The following HPCAL1 variants were observed in gnomAD, a reference collection of about 807,000 sequenced individuals.
The protein encoded by HPCAL1 is hippocalcin like 1, also known as hippocalcin-like protein 1.
HPCAL1 carries 8 observed loss-of-function variants against 17.1 expected under a neutral mutation model. That is an observed-to-expected ratio of 0.47 (90% CI 0.27 to 0.84). The LOEUF is 0.84. HPCAL1 is among the 40% of genes least tolerant of loss of function. The pLI is 0.13. For missense variants in HPCAL1, 165 were observed against 271.1 expected (o/e 0.61, Z 2.75); for synonymous variants, 112 against 111.4 (o/e 1.01, Z -0.03).
chr2:10,424,403 G>A (rs1671270214), intron 4 of HPCAL1: 3 of 439,508 alleles, frequency 6.8e-6, no homozygotes, highest in South Asian at 1.6e-5. Flanking sequence ...GAGGCTGTCC[G>A]CTCCTCGTGG....
At position 10,331,540 on chromosome 2, in the gene HPCAL1, A is replaced by G. The variant is rs11885501; in HGVS notation, c.-111+28363A>G. Among the ~76,000 whole-genome samples, 68,005 of 152,002 alleles carry G rather than the reference A, an allele frequency of 0.45. 15,745 individuals are homozygous for G. The highest frequency in any genetic ancestry group is 0.65 in the East Asian group (3,354 of 5,144). On this transcript the variant is annotated intron_variant, in intron 1 of 4. Transcript: ENST00000307845. The surrounding 1 kb of genome is among the most constrained non-coding windows in gnomAD (Gnocchi z 5.0). ...TCCGGGGCAGGAACACCCTCCCAGG[A>G]GCTTTTCCACGGCCAAGCGCTGGCT...
In HPCAL1 at chr2:10,331,930, A is replaced by G. The variant is rs1230581749; in HGVS notation, c.-111+28753A>G. ...CTCTCCTCATCACCTGTTGTCATTT[A>G]TGAGCCCCGTGTCACCTGTTGTTGC... is the stretch of plus-strand genomic sequence containing the variant. On this transcript the variant is annotated intron_variant, in intron 1 of 4. Transcript: ENST00000307845. This position sits in a 1 kb window ranked among gnomAD's most constrained non-coding sequence, Gnocchi z 5.0. Among the ~76,000 whole-genome samples the G allele has an allele frequency of 1.3e-5, 2 of 150,682 alleles. No individual in the cohort carries two copies. Among genetic ancestry groups the G allele is most frequent in the Non-Finnish European group, 1.5e-5 (1 of 67,762 alleles).
chr2:10,330,052 C>T lies in HPCAL1; in HGVS notation c.-111+26875C>T, dbSNP rs1355164619. ...CACAAATGGTCTTCAACCCTCAAAA[C>T]ACTTCCTGTTATTTAAATCTTGGTC... is the stretch of plus-strand genomic sequence containing the variant. On this transcript the variant is annotated intron_variant, in intron 1 of 4. Coordinates refer to ENST00000307845, the MANE Select transcript of HPCAL1 (RefSeq NM_002149.4). The surrounding 1 kb of genome is among the most constrained non-coding windows in gnomAD (Gnocchi z 4.2). 2 of 152,098 alleles carry T rather than the reference C, an allele frequency of 1.3e-5. 1 individual carries two copies. The highest frequency in any genetic ancestry group is 4.1e-4 in the South Asian group (2 of 4,824). The allele number at this position is 152,098 out of a possible 1,614,324, so 9.4% of individuals were successfully genotyped here.
At chr2:10,397,778 G>T (rs1018305641) in intron 2 of HPCAL1, among the ~76,000 whole-genome samples, 4 of 152,194 alleles carry the variant, frequency 2.6e-5, no homozygotes, top group Non-Finnish European at 4.4e-5. Flanking sequence ...CTCGGGTCTG[G>T]AGAGCCTGCC....
intron 1 of HPCAL1, among the ~76,000 whole-genome samples, chr2:10,317,872 G>A (rs1177670007): frequency 6.6e-6 from 1 of 152,226 alleles, no homozygotes; most frequent in Non-Finnish European, 1.5e-5. Context: ...GGGCTCACCC[G>A]TTCCTGGCTC....
In HPCAL1 at chr2:10,356,654, C is replaced by T. The variant is rs181089937; in HGVS notation, c.-110-40181C>T. Among the ~76,000 whole-genome samples, 17 of 152,280 alleles carry T rather than the reference C, an allele frequency of 1.1e-4. No individual in the cohort carries two copies. In the East Asian group the frequency reaches 3.3e-3, roughly 29 times the overall value. On this transcript the variant is annotated intron_variant, in intron 1 of 4. Coordinates refer to ENST00000307845, the MANE Select transcript of HPCAL1 (RefSeq NM_002149.4). The stretch of plus-strand genomic sequence containing the variant: ...CAGGCCCCGTGCCCCACACACCACA[C>T]CACCTGGCGCTTGGCCAACAGGAAA...
chr2:10,315,913 A>T (rs1022045974), intron 1 of HPCAL1, among the ~76,000 whole-genome samples: 1 of 152,182 alleles, frequency 6.6e-6, no homozygotes, highest in Non-Finnish European at 1.5e-5. Flanking sequence ...AGGCTGACAC[A>T]TGAGAATTTC....
intron 2 of HPCAL1, among the ~76,000 whole-genome samples, chr2:10,418,237 T>A (rs11903181): frequency 0.016 from 2,362 of 151,172 alleles, 66 homozygotes; most frequent in African/African-American, 0.055. Flanking sequence ...GCCAACATAG[T>A]GTGAAACCCT....
At chr2:10,420,711 C>T (rs1671011426) in intron 3 of HPCAL1, among the ~76,000 whole-genome samples, 1 of 152,198 alleles carries the variant, frequency 6.6e-6, no homozygotes, top group South Asian at 2.1e-4. Flanking sequence ...GTGGGTCATT[C>T]TCTGCATTTT....
chr2:10,383,626 G>T (rs1432625388), intron 1 of HPCAL1, among the ~76,000 whole-genome samples: 1 of 151,726 alleles, frequency 6.6e-6, no homozygotes, highest in Non-Finnish European at 1.5e-5. Context: ...GCCTGCCAAA[G>T]TGCTGGGATT....
At position 10,344,769 on chromosome 2, in the gene HPCAL1, G is replaced by C. The variant is rs1665304291; in HGVS notation, c.-111+41592G>C. Among the ~76,000 whole-genome samples, 1 of 151,748 alleles carries C rather than the reference G, an allele frequency of 6.6e-6. No individual in the cohort carries two copies. The highest frequency in any genetic ancestry group is 6.6e-5 in the Admixed American group (1 of 15,248). ...TTTCTCTCTCCCTCTTTCTGTGTGTGTCTCTCTCTGTGCCTGACTTTCTGT... is the reference window on the plus strand; with the variant it reads ...TTTCTCTCTCCCTCTTTCTGTGTGTCTCTCTCTCTGTGCCTGACTTTCTGT... On this transcript the variant is annotated intron_variant, in intron 1 of 4. Transcript: ENST00000307845. The surrounding 1 kb of genome is among the most constrained non-coding windows in gnomAD (Gnocchi z 4.9).
rs58697364 is a variant in HPCAL1 at position 10,378,223 on chromosome 2, G to GTT, written c.-110-18588_-110-18587dup. Among the ~76,000 whole-genome samples the GTT allele has an allele frequency of 7.3e-4, 70 of 96,274 alleles. 1 individual carries two copies. The South Asian group carries it at 0.012, about 16-fold the overall frequency. The allele number at this position is 96,274 out of a possible 152,430, so 63.2% of individuals were successfully genotyped here. A position where few individuals can be genotyped will look rare whatever the true frequency, so the allele number is the denominator to read the frequency against. ...AAAAAGTAGAGAAAGGTGGTTTCAT[G>GTT]TTTTTTTTTTTTTTTTTTTTTTTTT... On this transcript the variant is annotated intron_variant, in intron 1 of 4. Transcript: ENST00000307845.
intron 2 of HPCAL1, among the ~76,000 whole-genome samples, chr2:10,415,043 T>G (rs143110343): frequency 2.8e-4 from 43 of 152,320 alleles, no homozygotes; most frequent in African/African-American, 1.0e-3. Flanking sequence ...ATGGGCCCTT[T>G]TGAAGCCTAG....
intron 1 of HPCAL1, among the ~76,000 whole-genome samples, chr2:10,329,135 G>T (rs1036271875): frequency 1.3e-5 from 2 of 152,022 alleles, no homozygotes; most frequent in Admixed American, 1.3e-4. Context: ...GGTCTCTAGG[G>T]GTTCTTATGC....
rs919732553 is a variant in HPCAL1 at position 10,342,536 on chromosome 2, G to T, written c.-111+39359G>T. Reference sequence around the variant, plus strand: ...GGGTGGGAGGGGACTCCCAGGGAGCGGGGCTTGTGCTGGACTTTGCAGGAT... The same window carrying T: ...GGGTGGGAGGGGACTCCCAGGGAGCTGGGCTTGTGCTGGACTTTGCAGGAT... On this transcript the variant is annotated intron_variant, in intron 1 of 4. Transcript: ENST00000307845. This position sits in a 1 kb window ranked among gnomAD's most constrained non-coding sequence, Gnocchi z 4.1. 6.6e-6 allele frequency among the ~76,000 whole-genome samples: 1 copy of T among 152,212 alleles called. No homozygotes were observed. The highest frequency in any genetic ancestry group is 1.5e-5 in the Non-Finnish European group (1 of 68,034).
chr2:10,410,175 A>C (rs1670259626), intron 2 of HPCAL1, among the ~76,000 whole-genome samples: 1 of 152,110 alleles, frequency 6.6e-6, no homozygotes. Context: ...TTGGCCTGGC[A>C]AGCTTCGGGG....
intron 2 of HPCAL1, among the ~76,000 whole-genome samples, chr2:10,410,254 G>A (rs1029441057): frequency 6.6e-6 from 1 of 152,166 alleles, no homozygotes; most frequent in African/African-American, 2.4e-5. Flanking sequence ...CCGGCACTGA[G>A]GTGGGATTAA....
intron 1 of HPCAL1, among the ~76,000 whole-genome samples, chr2:10,309,693 G>C (rs1266900915): frequency 1.3e-5 from 2 of 152,198 alleles, no homozygotes; most frequent in African/African-American, 4.8e-5. Flanking sequence ...AGGGGCTGGG[G>C]GAGGGCGTTG....
chr2:10,411,382 C>G (rs1271666774), intron 2 of HPCAL1, among the ~76,000 whole-genome samples: 1 of 152,214 alleles, frequency 6.6e-6, no homozygotes, highest in Non-Finnish European at 1.5e-5. Context: ...ATTGCCTCCT[C>G]TCGGCCTAGC....
Sources: gnomAD v4.1 joint callset for allele counts (sites outside exome capture counted in the v4.1 genomes callset) on GRCh38, gnomAD v4.1.1 for gene constraint, Gnocchi (gnomAD v3.1) non-coding constraint, MANE v1.5 for transcripts, NCBI Gene and HGNC (gene_info 2026-07-23, HGNC 2026-07-21) for gene names.